The following DKK3 variants were observed in gnomAD, a reference collection of about 807,000 sequenced individuals.
DKK3 encodes the protein dickkopf-related protein 3.
In DKK3, 22 loss-of-function variants were observed where a neutral mutation model predicts 33.2. The observed-to-expected ratio is 0.66, with a 90% CI of 0.47 to 0.95. DKK3 has a LOEUF of 0.95. Among genes scored for constraint, DKK3 ranks in the 40% least tolerant of loss-of-function variants. DKK3 has a pLI of 0.00. For synonymous variants in DKK3, 194 were observed against 188.8 expected (o/e 1.03, Z -0.23); for missense variants, 398 against 458.4 (o/e 0.87, Z 1.20).
intron 3 of DKK3, among the ~76,000 whole-genome samples, chr11:11,979,324 A>G (rs929309592): frequency 1.3e-5 from 2 of 152,246 alleles, no homozygotes; most frequent in African/African-American, 4.8e-5. Context: ...TCCAGGCTGC[A>G]AACCCCGCGG....
intron 1 of DKK3, among the ~76,000 whole-genome samples, chr11:12,006,223 C>T (rs532144619): frequency 1.9e-3 from 291 of 152,308 alleles, no homozygotes; most frequent in Non-Finnish European, 3.0e-3. Context: ...TCCCTTCACC[C>T]TTTAATTGTT....
intron 1 of DKK3, among the ~76,000 whole-genome samples, chr11:12,006,692 T>C (rs532540839): frequency 1.3e-5 from 2 of 152,336 alleles, no homozygotes; most frequent in Admixed American, 6.5e-5. Flanking sequence ...CACTAGGTCC[T>C]GCAGGGCCCC....
chr11:11,976,242 G>A (rs1379336968), intron 3 of DKK3, among the ~76,000 whole-genome samples: 1 of 152,216 alleles, frequency 6.6e-6, no homozygotes, highest in African/African-American at 2.4e-5. Context: ...AGAGCCCTCT[G>A]CTCTGGAGGG....
intron 3 of DKK3, among the ~76,000 whole-genome samples, chr11:11,981,120 T>G (rs1382259475): frequency 6.6e-6 from 1 of 152,230 alleles, no homozygotes; most frequent in Non-Finnish European, 1.5e-5. Context: ...AATGACTCAC[T>G]TCTAATGAAC....
At chr11:11,984,655 T>TAAAAAA (rs11297335) in intron 3 of DKK3, among the ~76,000 whole-genome samples, 1 of 139,098 alleles carries the variant, frequency 7.2e-6, no homozygotes, top group Admixed American at 7.1e-5. Context: ...CAATTTCCTT[T>TAAAAAA]AAAAAAAAAA....
chr11:12,008,211 C>T lies in DKK3; in HGVS notation c.213+159G>A, dbSNP rs945153324. On this transcript the variant is annotated intron_variant, in intron 1 of 6. Coordinates refer to ENST00000683431, the MANE Select transcript of DKK3 (RefSeq NM_001018057.2). The surrounding 1 kb of genome is among the most constrained non-coding windows in gnomAD (Gnocchi z 4.6). ...CAAAACGAGGCGGGAGTAGGGATCA[C>T]CGTGCGCTGCCTCCAGGTCACTCCG... Among the ~76,000 whole-genome samples the T allele has an allele frequency of 6.6e-6, 1 of 152,178 alleles. No homozygotes were observed. The highest frequency in any genetic ancestry group is 2.4e-5 in the African/African-American group (1 of 41,450).
intron 2 of DKK3, among the ~76,000 whole-genome samples, chr11:12,000,739 G>A (rs750249651): frequency 1.7e-4 from 26 of 150,496 alleles, no homozygotes; most frequent in Non-Finnish European, 3.4e-4. Flanking sequence ...GGCTGGTCTC[G>A]AACTCCTAAC....
chr11:11,993,493 T>C (rs1362594595), intron 3 of DKK3, among the ~76,000 whole-genome samples: 7 of 152,198 alleles, frequency 4.6e-5, no homozygotes, highest in Admixed American at 6.5e-5. Flanking sequence ...AATTCTTTCT[T>C]GGAAGATATT....
At chr11:11,967,174 CCA>C in intron 4 of DKK3, 76 bp from the exon 5 acceptor site, 2 of 1,548,898 alleles carry the variant, frequency 1.3e-6, no homozygotes, top group Non-Finnish European at 1.7e-6. Flanking sequence ...CCTGAAGATA[CCA>C]CAGATAGGCC....
rs139458961 is a variant in DKK3, at chr11:11,982,335, T to C, written c.436-13848A>G. Among the ~76,000 whole-genome samples, 9 of 152,202 alleles carry C rather than the reference T, an allele frequency of 5.9e-5. No individual in the cohort carries two copies. The East Asian group carries it at 1.7e-3, about 30-fold the overall frequency. ...GGTCTGGGTGACACGTCAGGTCTCC[T>C]AGGAGTTGGCAAGTTGGCAGAAACA... is the stretch of plus-strand genomic sequence containing the variant. On this transcript the variant is annotated intron_variant, in intron 3 of 6. Transcript: ENST00000683431.
At chr11:11,993,637 C>T (rs73417358) in intron 3 of DKK3, among the ~76,000 whole-genome samples, 2,333 of 152,288 alleles carry the variant, frequency 0.015, 60 homozygotes, top group African/African-American at 0.053. Flanking sequence ...TGATACAGAG[C>T]TCTTCAATTT....
chr11:11,988,914 CT>C (rs1437534911), intron 3 of DKK3, among the ~76,000 whole-genome samples: 1 of 152,242 alleles, frequency 6.6e-6, no homozygotes, highest in Non-Finnish European at 1.5e-5. Flanking sequence ...GAGACTATGG[CT>C]GCCACACTGC....
intron 3 of DKK3, among the ~76,000 whole-genome samples, chr11:11,988,598 C>T (rs1203298148): frequency 6.6e-6 from 1 of 152,198 alleles, no homozygotes; most frequent in Non-Finnish European, 1.5e-5. Context: ...CCTGAGTCCC[C>T]CATAGGACCT....
chr11:11,985,945 T>C (rs1340560085), intron 3 of DKK3, among the ~76,000 whole-genome samples: 2 of 152,204 alleles, frequency 1.3e-5, no homozygotes, highest in Non-Finnish European at 2.9e-5. Context: ...TGTATGTTCT[T>C]TCTGGGGAAG....
intron 3 of DKK3, among the ~76,000 whole-genome samples, chr11:11,988,694 G>A (rs1262366318): frequency 6.6e-6 from 1 of 152,184 alleles, no homozygotes; most frequent in African/African-American, 2.4e-5. Context: ...GAGGGGTAAG[G>A]GTGGGGCTCA....
At chr11:11,969,193 C>T (rs1291891521) in intron 3 of DKK3, among the ~76,000 whole-genome samples, 3 of 152,120 alleles carry the variant, frequency 2.0e-5, no homozygotes, top group Non-Finnish European at 4.4e-5. Flanking sequence ...GAGCCATGGC[C>T]GAGGGCACTG....
chr11:12,006,174 T>A (rs976405072), intron 1 of DKK3, among the ~76,000 whole-genome samples: 1 of 152,178 alleles, frequency 6.6e-6, no homozygotes, highest in African/African-American at 2.4e-5. Context: ...CAATTTAATG[T>A]GAAGCTGCAG....
chr11:11,976,336 G>A (rs1433667888), intron 3 of DKK3, among the ~76,000 whole-genome samples: 1 of 152,154 alleles, frequency 6.6e-6, no homozygotes, highest in Non-Finnish European at 1.5e-5. Context: ...CAAGGAGGCT[G>A]CACGGAACAA....
intron 3 of DKK3, among the ~76,000 whole-genome samples, chr11:11,986,432 CCA>C (rs1471666736): frequency 4.6e-5 from 7 of 152,132 alleles, no homozygotes; most frequent in African/African-American, 1.4e-4. Context: ...GTGTGAGATT[CCA>C]CAGTTTCCTA....
Sources: gnomAD v4.1 joint callset for allele counts (sites outside exome capture counted in the v4.1 genomes callset) on GRCh38, gnomAD v4.1.1 for gene constraint, Gnocchi (gnomAD v3.1) non-coding constraint, MANE v1.5 for transcripts, NCBI Gene and HGNC (gene_info 2026-07-23, HGNC 2026-07-21) for gene names.